Variants in AKAIN1 observed in about 807,000 individuals in gnomAD.
AKAIN1 encodes A-kinase anchor protein inhibitor 1.
A neutral mutation model predicts 3.7 loss-of-function variants in AKAIN1; 3 were observed. The observed-to-expected ratio is 0.82, with a 90% CI of 0.37 to 2.12. The LOEUF is 2.12. Ranked by LOEUF, AKAIN1 falls within the 30% of genes most tolerant of loss-of-function variation. The pLI, the probability that AKAIN1 is intolerant of heterozygous loss-of-function variation, is 0.06. For missense variants in AKAIN1, 82 were observed against 82.7 expected (o/e 0.99, Z 0.03); for synonymous variants, 31 against 30.8 (o/e 1.01, Z -0.02).
At chr18:5,188,679 C>T (rs543113329) in intron 1 of AKAIN1, among the ~76,000 whole-genome samples, 1 of 152,212 alleles carries the variant, frequency 6.6e-6, no homozygotes. Flanking sequence ...CAAATTTTAC[C>T]TACACCCTCC....
intron 1 of AKAIN1, among the ~76,000 whole-genome samples, chr18:5,182,887 G>A (rs1167778446): frequency 6.6e-6 from 1 of 152,128 alleles, no homozygotes; most frequent in East Asian, 1.9e-4. Context: ...TTCTCTGCAA[G>A]AGAGAAGAGC....
intron 1 of AKAIN1, among the ~76,000 whole-genome samples, chr18:5,185,951 G>C (rs967605168): frequency 1.3e-5 from 2 of 152,100 alleles, no homozygotes; most frequent in East Asian, 1.9e-4. Flanking sequence ...ACAGTAGACT[G>C]GATAAACAAA....
chr18:5,167,175 G>GA (rs779245569), intron 1 of AKAIN1, among the ~76,000 whole-genome samples: 34 of 152,158 alleles, frequency 2.2e-4, no homozygotes, highest in Non-Finnish European at 2.8e-4. Flanking sequence ...TGGTAAATAT[G>GA]GCAGTTCAAG....
intron 1 of AKAIN1, among the ~76,000 whole-genome samples, chr18:5,180,939 T>G (rs904460001): frequency 4.6e-5 from 7 of 152,048 alleles, no homozygotes; most frequent in African/African-American, 1.4e-4. Context: ...GATATTACAT[T>G]CATAATTTCA....
intron 1 of AKAIN1, among the ~76,000 whole-genome samples, chr18:5,177,435 C>T (rs1019020429): frequency 3.3e-5 from 5 of 152,122 alleles, no homozygotes; most frequent in African/African-American, 9.6e-5. Context: ...GATTCCTGTA[C>T]ACCGGCCTTA....
rs141649518 is a variant in AKAIN1 at position 5,192,057 on chromosome 18, T to C, written c.16+4981A>G. Among the ~76,000 whole-genome samples, 12 of 152,336 alleles carry C rather than the reference T, an allele frequency of 7.9e-5. No individual in the cohort carries two copies. The East Asian group carries it at 1.2e-3, about 15-fold the overall frequency. On this transcript the variant is annotated intron_variant, in intron 1 of 1. Coordinates refer to ENST00000434239, the MANE Select transcript of AKAIN1 (RefSeq NM_001145194.2). ...TTTTCCATTTGTGGCGTCATGTCAG[T>C]GCTCAAAAAAGTTTCAGATTTTGGA...
chr18:5,181,405 C>A (rs976324082), intron 1 of AKAIN1, among the ~76,000 whole-genome samples: 16 of 152,260 alleles, frequency 1.1e-4, no homozygotes, highest in South Asian at 2.1e-4. Context: ...TATGGAACAG[C>A]ATTTTAGCCA....
At chr18:5,193,852 T>C (rs1462326660) in intron 1 of AKAIN1, among the ~76,000 whole-genome samples, 1 of 152,216 alleles carries the variant, frequency 6.6e-6, no homozygotes, top group Non-Finnish European at 1.5e-5. Flanking sequence ...CTAAATAACC[T>C]GGATCAGTTT....
intron 1 of AKAIN1, among the ~76,000 whole-genome samples, chr18:5,151,579 A>C (rs977120958): frequency 6.6e-6 from 1 of 152,232 alleles, no homozygotes; most frequent in Non-Finnish European, 1.5e-5. Context: ...GACAGCTATC[A>C]GCAGGCATAG....
In AKAIN1 at chr18:5,163,957, T is replaced by A. The variant is rs936087239; in HGVS notation, c.17-18202A>T. On this transcript the variant is annotated intron_variant, in intron 1 of 1. Coordinates refer to ENST00000434239, the MANE Select transcript of AKAIN1 (RefSeq NM_001145194.2). Reference sequence around the variant, plus strand: ...CATCATGTACTGAGCAGCTTATTTTTAAAATTGAATAATACAACTATTATG... The same window carrying A: ...CATCATGTACTGAGCAGCTTATTTTAAAAATTGAATAATACAACTATTATG... Among the ~76,000 whole-genome samples, 15 of 152,194 alleles carry A rather than the reference T, an allele frequency of 9.9e-5. 2 individuals carry two copies. Among genetic ancestry groups the A allele is most frequent in the Admixed American group, 6.5e-4 (10 of 15,272 alleles).
intron 1 of AKAIN1, among the ~76,000 whole-genome samples, chr18:5,190,519 C>G (rs9957588): frequency 6.6e-6 from 1 of 151,788 alleles, no homozygotes; most frequent in Non-Finnish European, 1.5e-5. Flanking sequence ...TTACTGGTGA[C>G]GGAAACATTT....
At chr18:5,154,903 A>G (rs1372593234) in intron 1 of AKAIN1, among the ~76,000 whole-genome samples, 2 of 152,178 alleles carry the variant, frequency 1.3e-5, no homozygotes, top group African/African-American at 4.8e-5. Flanking sequence ...CTCCCGCCTC[A>G]GCCTCCCAAC....
In AKAIN1 at chr18:5,143,210, C is replaced by T. The variant is rs570805972; in HGVS notation, c.*2352G>A. The stretch of plus-strand genomic sequence containing the variant: ...GTAGGCCCCTTGTAAAATCTAGTAA[C>T]TTTTTCTTCATACTGAAAGATCTGT... On this transcript the variant is annotated 3_prime_UTR_variant, in exon 2 of 2. Coordinates refer to ENST00000434239, the MANE Select transcript of AKAIN1 (RefSeq NM_001145194.2). Among the ~76,000 whole-genome samples, 1 of 152,272 alleles carries T rather than the reference C, an allele frequency of 6.6e-6. No homozygotes were observed. Among genetic ancestry groups the T allele is most frequent in the South Asian group, 2.1e-4 (1 of 4,830 alleles).
intron 1 of AKAIN1, among the ~76,000 whole-genome samples, chr18:5,180,479 C>T (rs759474268): frequency 4.6e-5 from 7 of 152,068 alleles, no homozygotes; most frequent in Non-Finnish European, 8.8e-5. Context: ...AACAGCTCCA[C>T]TCAGCTAGCA....
intron 1 of AKAIN1, among the ~76,000 whole-genome samples, chr18:5,161,825 C>T (rs1227582753): frequency 6.6e-6 from 1 of 152,078 alleles, no homozygotes; most frequent in Non-Finnish European, 1.5e-5. Flanking sequence ...TTGCAAAGCA[C>T]ACTGGCCAAT....
intron 1 of AKAIN1, among the ~76,000 whole-genome samples, chr18:5,161,919 G>C (rs550493210): frequency 3.1e-4 from 47 of 152,192 alleles, no homozygotes; most frequent in African/African-American, 1.1e-3. Context: ...TGCTGGATTT[G>C]TTTGCTAATA....
At chr18:5,182,230 T>C (rs757602687) in intron 1 of AKAIN1, among the ~76,000 whole-genome samples, 4 of 152,092 alleles carry the variant, frequency 2.6e-5, no homozygotes, top group Non-Finnish European at 5.9e-5. Flanking sequence ...ATCCAGTAAG[T>C]TGGGTCTTTT....
chr18:5,155,481 C>T (rs1042980769), intron 1 of AKAIN1, among the ~76,000 whole-genome samples: 12 of 152,318 alleles, frequency 7.9e-5, no homozygotes, highest in Non-Finnish European at 1.3e-4. Context: ...CTGTGCCCCT[C>T]CCCGAAAGTG....
intron 1 of AKAIN1, among the ~76,000 whole-genome samples, chr18:5,186,510 T>C (rs2071288247): frequency 6.6e-6 from 1 of 152,118 alleles, no homozygotes; most frequent in African/African-American, 2.4e-5. Context: ...CAAGTGTACA[T>C]GCATCTAATG....
Sources: gnomAD v4.1 joint callset for allele counts (sites outside exome capture counted in the v4.1 genomes callset) on GRCh38, gnomAD v4.1.1 for gene constraint, MANE v1.5 for transcripts, NCBI Gene and HGNC (gene_info 2026-07-23, HGNC 2026-07-21) for gene names.